SMYD3: variants seen among roughly 807,000 people sequenced by gnomAD.
SMYD3 encodes histone-lysine N-methyltransferase SMYD3.
Under a neutral mutation model 57.7 loss-of-function variants are expected in SMYD3, and 36 were observed. The ratio of observed to expected loss-of-function variants is 0.62; its 90% CI spans 0.48 to 0.82. The LOEUF (loss-of-function observed/expected upper bound fraction) is 0.82. SMYD3 is among the 40% of genes least tolerant of loss of function. The probability of loss-of-function intolerance (pLI) is 0.00; values close to 1 mark genes in which losing one functional copy is unlikely to be tolerated. For synonymous variants in SMYD3, 211 were observed against 195.0 expected, an observed-to-expected ratio of 1.08 and a Z score of -0.68; for missense variants, 515 against 538.8, an observed-to-expected ratio of 0.96 and a Z score of 0.44.
intron 4 of SMYD3, 81 bp downstream of exon 4, chr1:246,330,399 A>G: frequency 8.9e-7 from 1 of 1,121,748 alleles, no homozygotes; most frequent in Non-Finnish European, 1.3e-6. Context: ...ACAGAAAAAC[A>G]TAGTTAAAAA....
intron 5 of SMYD3, among the ~76,000 whole-genome samples, chr1:246,307,126 C>T (rs188278942): frequency 5.1e-4 from 78 of 152,304 alleles, no homozygotes; most frequent in African/African-American, 1.9e-3. Context: ...CACTTTTAGT[C>T]CACATGAAAA....
intron 5 of SMYD3, chr1:246,322,505 G>A (rs1447790964): frequency 6.6e-6 from 1 of 151,744 alleles, no homozygotes; most frequent in African/African-American, 2.4e-5. Flanking sequence ...TCTAAACAAT[G>A]TGAAAAAGAG....
chr1:246,444,102 T>C (rs1274584013), intron 1 of SMYD3, among the ~76,000 whole-genome samples: 1 of 150,372 alleles, frequency 6.7e-6, no homozygotes, highest in Non-Finnish European at 1.5e-5. Flanking sequence ...TTTGCTATCT[T>C]CAAATTCACA....
At chr1:245,761,559 A>T (rs1440707871) in intron 11 of SMYD3, among the ~76,000 whole-genome samples, 1 of 152,158 alleles carries the variant, frequency 6.6e-6, no homozygotes, top group Non-Finnish European at 1.5e-5. Flanking sequence ...GCTTCACATA[A>T]GAAGCAATCT....
intron 5 of SMYD3, among the ~76,000 whole-genome samples, chr1:246,059,227 C>G (rs1332605734): frequency 6.6e-6 from 1 of 151,982 alleles, no homozygotes; most frequent in Non-Finnish European, 1.5e-5. Context: ...TAAAAGTAAA[C>G]GAGGGAGGCA....
At chr1:245,761,984 C>T (rs904033244) in intron 11 of SMYD3, among the ~76,000 whole-genome samples, 1 of 151,956 alleles carries the variant, frequency 6.6e-6, no homozygotes, top group African/African-American at 2.4e-5. Flanking sequence ...GGGATTTCAC[C>T]ATGTTGGCCA....
intron 1 of SMYD3, among the ~76,000 whole-genome samples, chr1:246,482,243 C>T (rs552612623): frequency 2.0e-5 from 3 of 152,208 alleles, no homozygotes; most frequent in African/African-American, 4.8e-5. Context: ...CAGCCCAGGG[C>T]ATATAATCTT....
intron 5 of SMYD3, among the ~76,000 whole-genome samples, chr1:246,084,091 C>G (rs2060686595): frequency 6.6e-6 from 1 of 151,436 alleles, no homozygotes; most frequent in African/African-American, 2.4e-5. Context: ...TATTAACTTG[C>G]AGATTTTTGT....
Position 246,100,822 on chromosome 1 carries a change from A to G in SMYD3, c.532-170885T>C, listed in dbSNP as rs539500677. On this transcript the variant is annotated intron_variant, in intron 5 of 11. Transcript: ENST00000490107. ...TATAGAAAGATCCCACGAACACTCT[A>G]TTCTCTATGCAACTTCTTGTCCATG... Among the ~76,000 whole-genome samples, 11 of 152,262 alleles carry G rather than the reference A, an allele frequency of 7.2e-5. No homozygotes were observed. The East Asian group carries it at 1.7e-3, about 24-fold the overall frequency.
At chr1:246,125,071 CAAAAAAAAAAAA>C (rs35080862) in intron 5 of SMYD3, among the ~76,000 whole-genome samples, 19 of 121,682 alleles carry the variant, frequency 1.6e-4, no homozygotes, top group East Asian at 5.4e-4. Context: ...GACTCCGTCT[CAAAAAAAAAAAA>C]AAAAACACAC....
intron 5 of SMYD3, among the ~76,000 whole-genome samples, chr1:246,026,805 C>T (rs1300690650): frequency 2.0e-5 from 3 of 152,240 alleles, no homozygotes; most frequent in Admixed American, 6.5e-5. Flanking sequence ...TAAGTGTTCA[C>T]GTGAAAGGAG....
intron 1 of SMYD3, among the ~76,000 whole-genome samples, chr1:246,489,001 A>T: frequency 6.6e-6 from 1 of 151,956 alleles, no homozygotes; most frequent in East Asian, 1.9e-4. Context: ...CTCTCTCTCC[A>T]CCTCCCACTC....
chr1:246,089,648 AT>A (rs2147880283), intron 5 of SMYD3, among the ~76,000 whole-genome samples: 1 of 152,258 alleles, frequency 6.6e-6, no homozygotes, highest in African/African-American at 2.4e-5. Flanking sequence ...TTTTCATGTT[AT>A]ATTTCTTTTG....
At chr1:246,210,326 T>G (rs1219320062) in intron 5 of SMYD3, among the ~76,000 whole-genome samples, 1 of 152,174 alleles carries the variant, frequency 6.6e-6, no homozygotes, top group Non-Finnish European at 1.5e-5. Flanking sequence ...CTCTTAAGTG[T>G]AACAGGGTGC....
intron 5 of SMYD3, among the ~76,000 whole-genome samples, chr1:245,946,288 ACT>A (rs2057426280): frequency 6.6e-6 from 1 of 152,174 alleles, no homozygotes; most frequent in Non-Finnish European, 1.5e-5. Context: ...TTCCAAACTT[ACT>A]TGTCCTCAAA....
At chr1:246,263,049 A>G (rs1004744434) in intron 5 of SMYD3, among the ~76,000 whole-genome samples, 3 of 152,162 alleles carry the variant, frequency 2.0e-5, no homozygotes, top group African/African-American at 7.2e-5. Context: ...TAATTCTATT[A>G]CAAATATCAC....
intron 8 of SMYD3, among the ~76,000 whole-genome samples, chr1:245,902,235 A>G (rs548818759): frequency 6.6e-6 from 1 of 152,298 alleles, no homozygotes; most frequent in South Asian, 2.1e-4. Flanking sequence ...CAGCAGAACC[A>G]GTGCACCAGG....
At chr1:246,192,088 C>T (rs1440789696) in intron 5 of SMYD3, among the ~76,000 whole-genome samples, 1 of 152,058 alleles carries the variant, frequency 6.6e-6, no homozygotes, top group Non-Finnish European at 1.5e-5. Context: ...CTATGTGTGG[C>T]TTTTGTTGTT....
At chr1:246,393,704 T>A (rs2066608993) in intron 1 of SMYD3, among the ~76,000 whole-genome samples, 2 of 141,214 alleles carry the variant, frequency 1.4e-5, no homozygotes, top group African/African-American at 5.3e-5. Context: ...AAAAAAAATT[T>A]AATTAGCCAG....
Sources: gnomAD v4.1 joint callset for allele counts (sites outside exome capture counted in the v4.1 genomes callset) on GRCh38, gnomAD v4.1.1 for gene constraint, MANE v1.5 for transcripts, NCBI Gene and HGNC (gene_info 2026-07-23, HGNC 2026-07-21) for gene names.